Variants in ENTREP2 observed in about 807,000 individuals in gnomAD.
ENTREP2 encodes protein ENTREP2.
chr15:29,608,018 T>C, the ENTREP2 span, among the ~76,000 whole-genome samples: 2 of 152,162 alleles, frequency 1.3e-5, no homozygotes, highest in Non-Finnish European at 2.9e-5. Context: ...GCATCCAGCA[T>C]GGAAGAAAGA....
the ENTREP2 span, among the ~76,000 whole-genome samples, chr15:29,567,175 G>T: frequency 0.014 from 2,178 of 152,248 alleles, 49 homozygotes; most frequent in African/African-American, 0.05. Context: ...CCTGCAGGGG[G>T]TCCTCAAACA....
the ENTREP2 span, among the ~76,000 whole-genome samples, chr15:29,274,033 A>T: frequency 6.6e-6 from 1 of 152,280 alleles, no homozygotes; most frequent in South Asian, 2.1e-4. Flanking sequence ...TATTCTATTA[A>T]TTCTGTCCCT....
the ENTREP2 span, among the ~76,000 whole-genome samples, chr15:29,464,424 A>G: frequency 2.6e-5 from 4 of 152,264 alleles, no homozygotes; most frequent in African/African-American, 9.6e-5. Flanking sequence ...ATTTTTAAGC[A>G]TTAATTTTAA....
At chr15:29,644,314 G>A in the ENTREP2 span, among the ~76,000 whole-genome samples, 2 of 152,066 alleles carry the variant, frequency 1.3e-5, no homozygotes, top group African/African-American at 4.8e-5. Flanking sequence ...AGTTCCTCTT[G>A]GGAAAATAAA....
the ENTREP2 span, among the ~76,000 whole-genome samples, chr15:29,392,675 C>A: frequency 6.6e-6 from 1 of 152,154 alleles, no homozygotes; most frequent in African/African-American, 2.4e-5. Context: ...TTGAGAGATA[C>A]TGTGCTACTG....
chr15:29,493,618 AAAAT>A, the ENTREP2 span, among the ~76,000 whole-genome samples: 3 of 152,116 alleles, frequency 2.0e-5, no homozygotes, highest in Admixed American at 1.3e-4. Flanking sequence ...CCTGTCTCTA[AAAAT>A]AAATAAATAG....
the ENTREP2 span, among the ~76,000 whole-genome samples, chr15:29,280,730 C>G: frequency 6.6e-6 from 1 of 152,162 alleles, no homozygotes; most frequent in Non-Finnish European, 1.5e-5. Context: ...CTTCCAGCAG[C>G]CGGGGAACCG....
the ENTREP2 span, among the ~76,000 whole-genome samples, chr15:29,654,772 A>T: frequency 4.0e-3 from 616 of 152,314 alleles, 5 homozygotes; most frequent in African/African-American, 0.014. Flanking sequence ...TAGACAACAG[A>T]ATTGCCTTTG....
chr15:29,298,175 TA>T, the ENTREP2 span, among the ~76,000 whole-genome samples: 1 of 151,880 alleles, frequency 6.6e-6, no homozygotes, highest in Non-Finnish European at 1.5e-5. Flanking sequence ...AAAGAAGAAA[TA>T]ATCAATATTA....
At chr15:29,443,800 G>T in the ENTREP2 span, among the ~76,000 whole-genome samples, 1 of 151,990 alleles carries the variant, frequency 6.6e-6, no homozygotes, top group Non-Finnish European at 1.5e-5. Context: ...CAGTGAATCT[G>T]CATCTTACAT....
At chr15:29,460,962 T>A in the ENTREP2 span, among the ~76,000 whole-genome samples, 1 of 152,204 alleles carries the variant, frequency 6.6e-6, no homozygotes, top group African/African-American at 2.4e-5. Context: ...TTAGTCTTCA[T>A]GTAACAAAAA....
chr15:29,201,194 C>CA, the ENTREP2 span, among the ~76,000 whole-genome samples: 1 of 152,174 alleles, frequency 6.6e-6, no homozygotes, highest in Non-Finnish European at 1.5e-5. Context: ...GGATTTTCTA[C>CA]ATAGATACTC....
chr15:29,659,337 G>T, the ENTREP2 span, among the ~76,000 whole-genome samples: 3 of 152,068 alleles, frequency 2.0e-5, no homozygotes, highest in Non-Finnish European at 4.4e-5. Context: ...CAGGTGTGGT[G>T]GCATGCACCT....
chr15:29,147,828 C>T, the ENTREP2 span, among the ~76,000 whole-genome samples: 1 of 152,086 alleles, frequency 6.6e-6, no homozygotes, highest in Non-Finnish European at 1.5e-5. Flanking sequence ...TATGTTGACA[C>T]AAAAACTTGT....
chr15:29,285,881 T>C, the ENTREP2 span, among the ~76,000 whole-genome samples: 1 of 152,178 alleles, frequency 6.6e-6, no homozygotes, highest in South Asian at 2.1e-4. Flanking sequence ...GAAATAAGGT[T>C]GGTTCAACAT....
At chr15:29,503,986 C>A in the ENTREP2 span, among the ~76,000 whole-genome samples, 27 of 152,108 alleles carry the variant, frequency 1.8e-4, no homozygotes, top group African/African-American at 6.5e-4. Flanking sequence ...ACTGGAGATA[C>A]CTTTTCACAA....
the ENTREP2 span, among the ~76,000 whole-genome samples, chr15:29,198,686 T>G: frequency 1.1e-4 from 17 of 152,236 alleles, no homozygotes; most frequent in African/African-American, 4.1e-4. Context: ...CATGGCCATG[T>G]TCCTAAAAGG....
chr15:29,434,635 A>G, the ENTREP2 span, among the ~76,000 whole-genome samples: 1 of 152,168 alleles, frequency 6.6e-6, no homozygotes, highest in Non-Finnish European at 1.5e-5. Flanking sequence ...TTTGACCTGA[A>G]GCATACATGA....
chr15:29,306,348 G>A, the ENTREP2 span, among the ~76,000 whole-genome samples: 76,979 of 152,034 alleles, frequency 0.51, 22,368 homozygotes, highest in African/African-American at 0.82. Context: ...GTGGGGCATT[G>A]GGGTGCAAGG....
Sources: allele counts gnomAD v4.1 joint callset (sites outside exome capture counted in the v4.1 genomes callset), GRCh38; gene constraint gnomAD v4.1.1; transcripts MANE v1.5; gene names NCBI Gene and HGNC (gene_info 2026-07-23, HGNC 2026-07-21).